Variants in FAM135B observed in about 807,000 individuals in gnomAD.
FAM135B encodes protein FAM135B.
FAM135B carries 43 observed loss-of-function variants against 127.7 expected under a neutral mutation model. The ratio of observed to expected loss-of-function variants is 0.34; its 90% confidence interval spans 0.26 to 0.43. The LOEUF is 0.43. FAM135B is among the 20% of genes least tolerant of loss of function. The pLI is 1.00. For missense variants in FAM135B, 1,558 were observed against 1,725.6 expected, an observed-to-expected ratio of 0.90 and a Z score of 1.72; for synonymous variants, 670 against 665.1, an observed-to-expected ratio of 1.01 and a Z score of -0.11.
intron 2 of FAM135B, among the ~76,000 whole-genome samples, chr8:138,324,688 A>C (rs1366027565): frequency 6.6e-6 from 1 of 152,234 alleles, no homozygotes; most frequent in Admixed American, 6.5e-5. Flanking sequence ...ATATCCTTTC[A>C]GAAAAACAAG....
intron 7 of FAM135B, among the ~76,000 whole-genome samples, chr8:138,212,037 C>T (rs1277075079): frequency 2.6e-5 from 4 of 152,144 alleles, no homozygotes; most frequent in Non-Finnish European, 5.9e-5. Flanking sequence ...CACTGCACTC[C>T]ACCCTTGGTG....
chr8:138,375,170 A>T (rs994086058), intron 1 of FAM135B, among the ~76,000 whole-genome samples: 4 of 152,204 alleles, frequency 2.6e-5, no homozygotes, highest in Admixed American at 6.5e-5. Flanking sequence ...TAGCTGAGCC[A>T]GGGACTAGCA....
chr8:138,293,367 A>G (rs543343830), intron 3 of FAM135B, among the ~76,000 whole-genome samples: 15 of 152,282 alleles, frequency 9.9e-5, no homozygotes, highest in Non-Finnish European at 1.8e-4. Flanking sequence ...AAAGAACCCA[A>G]ACACAAATGT....
At chr8:138,278,415 T>A (rs112365408) in intron 3 of FAM135B, among the ~76,000 whole-genome samples, 4 of 151,790 alleles carry the variant, frequency 2.6e-5, no homozygotes, top group Non-Finnish European at 5.9e-5. Flanking sequence ...TATGCCTACA[T>A]CCTCAAAAGC....
chr8:138,373,706 G>C (rs541106164), intron 1 of FAM135B, among the ~76,000 whole-genome samples: 4 of 152,066 alleles, frequency 2.6e-5, no homozygotes, highest in African/African-American at 9.7e-5. Context: ...CTGAGAAAGA[G>C]AATGTGCCCC....
intron 1 of FAM135B, among the ~76,000 whole-genome samples, chr8:138,387,076 A>G (rs16909073): frequency 0.018 from 2,671 of 152,350 alleles, 79 homozygotes; most frequent in African/African-American, 0.061. Flanking sequence ...TTTATCTCCC[A>G]TTTAATCTGA....
At chr8:138,280,398 CATTATGGTGCAG>C (rs1205652271) in intron 3 of FAM135B, among the ~76,000 whole-genome samples, 1 of 151,690 alleles carries the variant, frequency 6.6e-6, no homozygotes, top group Non-Finnish European at 1.5e-5. Context: ...TTCCAGTCAA[CATTATGGTGCAG>C]AGGCAACCAC....
intron 2 of FAM135B, among the ~76,000 whole-genome samples, chr8:138,317,015 C>T (rs1827153803): frequency 1.3e-5 from 2 of 151,614 alleles, no homozygotes; most frequent in African/African-American, 4.8e-5. Context: ...AACTGTCAAA[C>T]AACCCAACAA....
In FAM135B at chr8:138,482,849, A is replaced by G. The variant is rs548619494; in HGVS notation, c.-20+13822T>C. 6.6e-5 allele frequency among the ~76,000 whole-genome samples: 10 copies of G among 152,212 alleles called. No homozygotes were observed. In the South Asian group the frequency reaches 1.9e-3, roughly 28 times the overall value. ...TCTTCATTTTACATTTTCACCATGG[A>G]GTAGTACTCTGAGATACCCACATTT... On this transcript the variant is annotated intron_variant, in intron 1 of 19. Transcript: ENST00000395297.
At chr8:138,314,879 CAAA>C (rs35189245) in intron 2 of FAM135B, among the ~76,000 whole-genome samples, 8,783 of 85,484 alleles carry the variant, frequency 0.1, 524 homozygotes, top group East Asian at 0.27. Context: ...GACCTTACCT[CAAA>C]AAAAAAAAAA....
chr8:138,149,634 A>G (rs1226059046), intron 13 of FAM135B, among the ~76,000 whole-genome samples: 1 of 152,004 alleles, frequency 6.6e-6, no homozygotes, highest in Non-Finnish European at 1.5e-5. Context: ...TCTTGTTATT[A>G]TCTGTTATTA....
chr8:138,455,539 A>G (rs1227842297), intron 1 of FAM135B, among the ~76,000 whole-genome samples: 1 of 152,216 alleles, frequency 6.6e-6, no homozygotes, highest in Non-Finnish European at 1.5e-5. Flanking sequence ...GATCCTTACA[A>G]CAAACCTAAA....
intron 12 of FAM135B, among the ~76,000 whole-genome samples, chr8:138,158,476 A>G (rs1819002295): frequency 6.6e-6 from 1 of 152,252 alleles, no homozygotes; most frequent in South Asian, 2.1e-4. Context: ...CTGCACAGCA[A>G]AAGAAACTAC....
chr8:138,461,137 T>C (rs1312112549), intron 1 of FAM135B, among the ~76,000 whole-genome samples: 1 of 152,180 alleles, frequency 6.6e-6, no homozygotes, highest in Non-Finnish European at 1.5e-5. Flanking sequence ...GCTAGTTAAA[T>C]AAACAGGAGT....
intron 7 of FAM135B, among the ~76,000 whole-genome samples, chr8:138,213,511 T>TC (rs1186804892): frequency 6.6e-6 from 1 of 151,108 alleles, no homozygotes; most frequent in Non-Finnish European, 1.5e-5. Context: ...TAATTTCTTT[T>TC]TTTTTTTTTT....
chr8:138,463,389 G>T (rs1241971712), intron 1 of FAM135B, among the ~76,000 whole-genome samples: 3 of 152,158 alleles, frequency 2.0e-5, no homozygotes, highest in Admixed American at 2.0e-4. Flanking sequence ...CAAGAAGGGT[G>T]GGAGAGAATT....
chr8:138,407,322 G>T (rs1484413730), intron 1 of FAM135B, among the ~76,000 whole-genome samples: 1 of 151,992 alleles, frequency 6.6e-6, no homozygotes, highest in Non-Finnish European at 1.5e-5. Flanking sequence ...CGTGAAAATG[G>T]CCATACTGCC....
At chr8:138,208,607 T>C (rs1407710331) in intron 7 of FAM135B, among the ~76,000 whole-genome samples, 1 of 152,222 alleles carries the variant, frequency 6.6e-6, no homozygotes, top group East Asian at 1.9e-4. Context: ...GATGTAGAAT[T>C]AGAGGAAAGA....
chr8:138,137,454 G>A (rs139581158), intron 18 of FAM135B, among the ~76,000 whole-genome samples, 194 bp from the exon 19 acceptor site: 7 of 152,238 alleles, frequency 4.6e-5, no homozygotes, highest in East Asian at 1.9e-4. Context: ...GAGGTATCGC[G>A]GGGGCCTATG....
Sources: allele counts gnomAD v4.1 joint callset (sites outside exome capture counted in the v4.1 genomes callset), GRCh38; gene constraint gnomAD v4.1.1; transcripts MANE v1.5; gene names NCBI Gene and HGNC (gene_info 2026-07-23, HGNC 2026-07-21).